The following UTP20 variants were observed in gnomAD, a reference collection of about 807,000 sequenced individuals.
UTP20 encodes small subunit processome component 20 homolog.
In UTP20, 164 loss-of-function variants were observed where a neutral mutation model predicts 329.5. The observed-to-expected ratio is 0.50, with a 90% CI of 0.44 to 0.57. The LOEUF is 0.57. Among genes scored for constraint, UTP20 ranks in the 20% least tolerant of loss-of-function variants. The probability of loss-of-function intolerance (pLI) is 0.00; values close to 1 mark genes in which losing one functional copy is unlikely to be tolerated. For missense variants in UTP20, 3,055 were observed against 3,284.2 expected (o/e 0.93, Z 1.71); for synonymous variants, 1,151 against 1,159.3 (o/e 0.99, Z 0.14).
At chr12:101,285,920 G>T (rs201274237) in intron 4 of UTP20, 39 bp downstream of exon 4, 35 of 1,596,614 alleles carry the variant, frequency 2.2e-5, no homozygotes, top group Non-Finnish European at 3.0e-5. Context: ...AACTATATTT[G>T]CCTGAATTTT....
At chr12:101,320,331 A>G (rs898386452) in intron 23 of UTP20, among the ~76,000 whole-genome samples, 3 of 152,048 alleles carry the variant, frequency 2.0e-5, no homozygotes, top group Non-Finnish European at 4.4e-5. Flanking sequence ...CAAGGCGGAC[A>G]GATCACCTGA....
At chr12:101,322,696 C>T (rs1007702507) in intron 25 of UTP20, among the ~76,000 whole-genome samples, 1 of 152,170 alleles carries the variant, frequency 6.6e-6, no homozygotes, top group Non-Finnish European at 1.5e-5. Context: ...CAGATATGCT[C>T]AGGGACTCTG....
chr12:101,316,913 A>C (rs1203260617), intron 21 of UTP20, among the ~76,000 whole-genome samples: 1 of 152,256 alleles, frequency 6.6e-6, no homozygotes, highest in Non-Finnish European at 1.5e-5. Context: ...TTAGAGAGAT[A>C]AAACATAAAG....
rs763891634 is a variant in UTP20 at position 101,333,476 on chromosome 12, CG to C, written c.3561+33del. 10 of 1,604,764 alleles carry C rather than the reference CG, an allele frequency of 6.2e-6. No individual in the cohort carries two copies. In the Admixed American group the frequency reaches 1.7e-4, roughly 28 times the overall value. ...CTCAATTTCTACATCTGCCTATGTA[CG>C]TTCTGCTTTTTCCTTTATTACTAAC... On this transcript the variant is annotated intron_variant, in intron 28 of 61. Transcript: ENST00000261637.
At chr12:101,312,411 G>A in intron 21 of UTP20, 135 bp downstream of exon 21, 1 of 1,288,508 alleles carries the variant, frequency 7.8e-7, no homozygotes, top group Non-Finnish European at 1.0e-6. Flanking sequence ...CCATTAGGCT[G>A]AGGTATTTTT....
intron 32 of UTP20, among the ~76,000 whole-genome samples, chr12:101,341,755 A>G (rs1869142374): frequency 6.6e-6 from 1 of 152,102 alleles, no homozygotes; most frequent in Non-Finnish European, 1.5e-5. Context: ...AAATAAAAAA[A>G]TTAGCCTGGC....
At position 101,317,495 on chromosome 12, in the gene UTP20, C is replaced by T. The variant is rs779105428; in HGVS notation, c.2570C>T (p.Ala857Val). 5.0e-6 allele frequency: 8 copies of T among 1,613,900 alleles called. No homozygotes were observed. Among genetic ancestry groups the T allele is most frequent in the Non-Finnish European group, 6.8e-6 (8 of 1,179,958 alleles). The part of the protein sequence containing the change: ...LRFINNEYYP[A>V]DLQVAPTQDL... ...CACGGTAGCAATGAGTATTACCCAG[C>T]AGATCTGCAAGTTGCTCCAACCCAG... Residue 857 changes from alanine (A) to valine (V), a missense_variant, in exon 22 of 62, where the codon GCA becomes GTA. This residue lies in a region of UTP20 where 2,445 missense variants were observed against 2,575.5 expected (regional missense o/e 0.95). Transcript: ENST00000261637.
rs1409759638 is a variant in UTP20, at chr12:101,329,250, A to G, written c.3218A>G (p.His1073Arg). The G allele has an allele frequency of 3.1e-6, 5 of 1,614,118 alleles. No homozygotes were observed. In the Admixed American group the frequency reaches 8.3e-5, roughly 27 times the overall value. ...PVRHFKNGEC[H>R]SAVIQAVEDL... ...CTCTTTGTTTCACTAGGAGAGTGCC[A>G]TTCTGCAGTCATTCAAGCAGTAGAA... Residue 1073 changes from histidine to arginine, a missense_variant, in exon 27 of 62, where the codon CAT (histidine) becomes CGT (arginine). This residue lies in a region of UTP20 where 2,445 missense variants were observed against 2,575.5 expected (regional missense o/e 0.95). Coordinates refer to ENST00000261637, the MANE Select transcript of UTP20 (RefSeq NM_014503.3).
chr12:101,306,208 T>C, intron 16 of UTP20, 143 bp downstream of exon 16: 1 of 1,069,760 alleles, frequency 9.3e-7, no homozygotes, highest in Non-Finnish European at 1.3e-6. Context: ...AATGTTGGCC[T>C]GCAAACCAAT....
intron 2 of UTP20, among the ~76,000 whole-genome samples, chr12:101,284,660 A>G (rs910357438): frequency 2.0e-5 from 3 of 152,144 alleles, no homozygotes; most frequent in African/African-American, 7.2e-5. Flanking sequence ...TCATACATGT[A>G]TGATAATTTA....
At chr12:101,331,037 G>A (rs760070669) in intron 27 of UTP20, among the ~76,000 whole-genome samples, 7 of 152,190 alleles carry the variant, frequency 4.6e-5, no homozygotes, top group Non-Finnish European at 1.0e-4. Context: ...GGTATTGAAA[G>A]ATACTTGAAA....
intron 41 of UTP20, among the ~76,000 whole-genome samples, chr12:101,355,596 T>A (rs560375429): frequency 6.6e-6 from 1 of 152,314 alleles, no homozygotes; most frequent in African/African-American, 2.4e-5. Flanking sequence ...CCTGTTTTTG[T>A]ACGGTTTTAT....
Position 101,281,157 on chromosome 12 carries a change from T to C in UTP20, c.87T>C (p.Asp29=). ...AACGACTGGGGAATGTTAATATTGA[T>C]ATTATTCACCGGATTGATAGAACTG... The part of the protein sequence containing the change: ...FAERLGNVNI[D]IIHRIDRTAS... Residue 29 remains aspartate, a synonymous_variant, in exon 2 of 62, where the codon GAT becomes GAC. Coordinates refer to ENST00000261637, the MANE Select transcript of UTP20 (RefSeq NM_014503.3). 1 of 1,613,342 alleles carries C rather than the reference T, an allele frequency of 6.2e-7. No homozygotes were observed. Among genetic ancestry groups the C allele is most frequent in the South Asian group, 1.1e-5 (1 of 90,938 alleles).
intron 2 of UTP20, among the ~76,000 whole-genome samples, chr12:101,281,480 C>T (rs1004877264): frequency 1.3e-5 from 2 of 152,170 alleles, no homozygotes; most frequent in Non-Finnish European, 2.9e-5. Flanking sequence ...AGACAATTGA[C>T]TTGACTTTCA....
At chr12:101,303,910 A>G (rs891086995) in intron 15 of UTP20, among the ~76,000 whole-genome samples, 1 of 152,198 alleles carries the variant, frequency 6.6e-6, no homozygotes, top group African/African-American at 2.4e-5. Context: ...TAGTTCTTTG[A>G]CATCACCACA....
At chr12:101,284,771 C>T (rs1871907004) in intron 2 of UTP20, among the ~76,000 whole-genome samples, 1 of 152,146 alleles carries the variant, frequency 6.6e-6, no homozygotes, top group African/African-American at 2.4e-5. Context: ...ACTCCTCCCA[C>T]CCCTAATTCC....
chr12:101,293,311 T>C (rs1872233989), intron 11 of UTP20, 66 bp downstream of exon 11: 1 of 1,427,582 alleles, frequency 7.0e-7, no homozygotes, highest in South Asian at 1.2e-5. Context: ...CGATCAAATT[T>C]GAAATCCTGT....
intron 38 of UTP20, among the ~76,000 whole-genome samples, chr12:101,348,952 G>C (rs1010290472): frequency 6.6e-6 from 1 of 151,832 alleles, no homozygotes. Context: ...TGCAGCTTTT[G>C]TTTGTCTTTT....
intron 40 of UTP20, among the ~76,000 whole-genome samples, chr12:101,354,222 ACTGTACT>A (rs1270576534): frequency 4.8e-5 from 7 of 147,056 alleles, no homozygotes; most frequent in Non-Finnish European, 1.5e-5. Context: ...AGATGTCACT[ACTGTACT>A]CCAGCCTGGG....
Sources: allele counts gnomAD v4.1 joint callset (sites outside exome capture counted in the v4.1 genomes callset), GRCh38; gene constraint gnomAD v4.1.1; regional missense constraint gnomAD v4.1.1; transcripts MANE v1.5; gene names NCBI Gene and HGNC (gene_info 2026-07-23, HGNC 2026-07-21).